CHST8: variants seen among roughly 807,000 people sequenced by gnomAD.
The protein encoded by CHST8 is GALNAC-4-ST1.
A neutral mutation model predicts 15.0 loss-of-function variants in CHST8; 10 were observed. That is an observed-to-expected ratio of 0.67 (90% CI 0.41 to 1.13). CHST8 has a LOEUF of 1.13. CHST8 is among the 50% of genes most tolerant of loss of function. CHST8 has a pLI of 0.00. For missense variants in CHST8, 634 were observed against 608.2 expected, an observed-to-expected ratio of 1.04 and a Z score of -0.45; for synonymous variants, 259 against 256.6, an observed-to-expected ratio of 1.01 and a Z score of -0.09.
At chr19:33,637,752 C>G (rs747058164) in intron 1 of CHST8, among the ~76,000 whole-genome samples, 68 of 144,582 alleles carry the variant, frequency 4.7e-4, no homozygotes, top group Non-Finnish European at 8.4e-4. Context: ...AATCCCAGCT[C>G]TTTGGGAGGC....
chr19:33,682,738 CT>C (rs35755200), intron 2 of CHST8, among the ~76,000 whole-genome samples: 1 of 152,194 alleles, frequency 6.6e-6, no homozygotes, highest in African/African-American at 2.4e-5. Flanking sequence ...CTATCATTGA[CT>C]TTTTGATTGA....
At position 33,625,525 on chromosome 19, in the gene CHST8, C is replaced by T. The variant is rs373701851; in HGVS notation, c.-164+3229C>T. 5.3e-5 allele frequency among the ~76,000 whole-genome samples: 8 copies of T among 152,254 alleles called. No homozygotes were observed. In the South Asian group the frequency reaches 8.3e-4, roughly 16 times the overall value. ...CTGGCCCAAGGAGATCAATGTGACC[C>T]GGCAGTGGCACAGCAAAAAATGAAA... is the stretch of plus-strand genomic sequence containing the variant. On this transcript the variant is annotated intron_variant, in intron 1 of 4. Transcript: ENST00000650847.
At chr19:33,693,615 G>A (rs866362614) in intron 3 of CHST8, among the ~76,000 whole-genome samples, 13 of 152,074 alleles carry the variant, frequency 8.5e-5, no homozygotes, top group East Asian at 1.9e-4. Context: ...ACCAGGTCAC[G>A]GTTCCTATAG....
chr19:33,652,305 T>A (rs1459769667), intron 1 of CHST8, among the ~76,000 whole-genome samples: 4 of 151,812 alleles, frequency 2.6e-5, no homozygotes, highest in Non-Finnish European at 1.5e-5. Flanking sequence ...TTTGAAAGTG[T>A]CCCTCTAGTA....
intron 2 of CHST8, among the ~76,000 whole-genome samples, chr19:33,671,366 T>C (rs2145232456): frequency 6.6e-6 from 1 of 152,282 alleles, no homozygotes; most frequent in African/African-American, 2.4e-5. Context: ...GTTGCTGTTG[T>C]CTCTTCCCAG....
rs1974989986 is a variant in CHST8, at chr19:33,771,862, A to G, written c.169-95A>G. ...AGCCTGTCTCCCTCACCTGAGAGGG[A>G]CAGGAACCCCAGCCGTGGTGAGAGC... On this transcript the variant is annotated intron_variant, in intron 4 of 4. Transcript: ENST00000650847. 6 of 1,416,656 alleles carry G rather than the reference A, an allele frequency of 4.2e-6. No homozygotes were observed. In the South Asian group the frequency reaches 8.3e-5, roughly 20 times the overall value. The allele number at this position is 1,416,656 out of a possible 1,614,324, so 87.8% of individuals were successfully genotyped here.
At chr19:33,663,794 C>A (rs1286168204) in intron 1 of CHST8, among the ~76,000 whole-genome samples, 1 of 152,060 alleles carries the variant, frequency 6.6e-6, no homozygotes, top group Non-Finnish European at 1.5e-5. Context: ...CGCTTGAACT[C>A]GGGAGGTGGA....
intron 1 of CHST8, among the ~76,000 whole-genome samples, chr19:33,657,217 AC>A (rs779829485): frequency 1.3e-4 from 19 of 151,538 alleles, no homozygotes; most frequent in Non-Finnish European, 2.1e-4. Context: ...ACACAAACAC[AC>A]ACGCATATAC....
intron 3 of CHST8, 79 bp downstream of exon 3, chr19:33,689,470 TG>T: frequency 7.0e-7 from 1 of 1,422,610 alleles, no homozygotes; most frequent in Non-Finnish European, 9.3e-7. Context: ...GCTGCCCTGG[TG>T]TGCTGGGCTT....
rs757063658 is a variant in CHST8, at chr19:33,772,584, T to C, written c.796T>C (p.Ser266Pro). The C allele has an allele frequency of 6.2e-7, 1 of 1,613,864 alleles. No individual in the cohort carries two copies. Among genetic ancestry groups the C allele is most frequent in the East Asian group, 2.2e-5 (1 of 44,868 alleles). Reference sequence around the variant, plus strand: ...CCGCGAGCCCTTCGAGAGGCTGGTGTCCGCCTTCCGCGACAAGTTTGAGCA... The same window carrying C: ...CCGCGAGCCCTTCGAGAGGCTGGTGCCCGCCTTCCGCGACAAGTTTGAGCA... ...FVREPFERLV[S>P]AFRDKFEHPN... The change falls in exon 5 of 5, where the codon TCC becomes CCC. Residue 266 changes from serine to proline, a missense_variant. Ser to Pro is a moderately conservative substitution (Grantham distance 74). Transcript: ENST00000650847.
intron 1 of CHST8, among the ~76,000 whole-genome samples, 185 bp downstream of exon 1, chr19:33,622,481 A>C (rs10422741): frequency 6.6e-6 from 1 of 152,282 alleles, no homozygotes; most frequent in Non-Finnish European, 1.5e-5. Flanking sequence ...GTCTGGTTGC[A>C]CTTTGGGGAC....
Position 33,738,585 on chromosome 19 carries a change from G to GTTATTTCT in CHST8, c.131-32826_131-32825insATTTCTTT, listed in dbSNP as rs2145336119. Reference sequence around the variant, plus strand: ...TGACATCTGGAGAGAGAGAGTGCAAGTTTTTTCTTTTTTTCTTCTTTTGAG... The same window carrying GTTATTTCT: ...TGACATCTGGAGAGAGAGAGTGCAAGTTATTTCTTTTTTTCTTTTTTTCTTCTTTTGAG... On this transcript the variant is annotated intron_variant, in intron 3 of 4. Coordinates refer to ENST00000650847, the MANE Select transcript of CHST8 (RefSeq NM_001127895.2). 2.0e-5 allele frequency among the ~76,000 whole-genome samples: 3 copies of GTTATTTCT among 152,198 alleles called. No individual in the cohort carries two copies. In the East Asian group the frequency reaches 5.8e-4, roughly 29 times the overall value.
intron 2 of CHST8, among the ~76,000 whole-genome samples, chr19:33,668,981 G>A (rs371657338): frequency 2.0e-4 from 30 of 152,246 alleles, no homozygotes; most frequent in Non-Finnish European, 2.5e-4. Context: ...CGTGAGCCTC[G>A]GGAAACGTAT....
At chr19:33,713,432 T>C (rs527712378) in intron 3 of CHST8, among the ~76,000 whole-genome samples, 1 of 152,108 alleles carries the variant, frequency 6.6e-6, no homozygotes, top group East Asian at 1.9e-4. Context: ...GCCTGGGCAG[T>C]TGGCCAAGCA....
At chr19:33,668,877 C>G (rs1024610612) in intron 2 of CHST8, among the ~76,000 whole-genome samples, 1 of 151,794 alleles carries the variant, frequency 6.6e-6, no homozygotes, top group Admixed American at 6.6e-5. Context: ...CATCACGGGT[C>G]AAAAACAAGC....
At chr19:33,656,149 C>A (rs954978783) in intron 1 of CHST8, among the ~76,000 whole-genome samples, 4 of 152,058 alleles carry the variant, frequency 2.6e-5, no homozygotes, top group Non-Finnish European at 4.4e-5. Flanking sequence ...CAGGAGGGTA[C>A]TTTAAAGCTT....
chr19:33,628,618 C>A (rs1423379229), intron 1 of CHST8, among the ~76,000 whole-genome samples: 2 of 152,168 alleles, frequency 1.3e-5, no homozygotes, highest in Non-Finnish European at 2.9e-5. Context: ...GTAGGCGGTG[C>A]GTCTACGCTG....
At chr19:33,752,151 G>C (rs575863714) in intron 3 of CHST8, among the ~76,000 whole-genome samples, 1 of 152,328 alleles carries the variant, frequency 6.6e-6, no homozygotes, top group African/African-American at 2.4e-5. Flanking sequence ...AGCTGCCTGA[G>C]CCCGGGAGCC....
At position 33,743,878 on chromosome 19, in the gene CHST8, G is replaced by A. The variant is rs559540656; in HGVS notation, c.131-27535G>A. 1.1e-4 allele frequency among the ~76,000 whole-genome samples: 17 copies of A among 149,740 alleles called. No homozygotes were observed. The East Asian group carries it at 2.6e-3, about 23-fold the overall frequency. On this transcript the variant is annotated intron_variant, in intron 3 of 4. Transcript: ENST00000650847. ...GCAGTCTCGGTTCACTGCAACCTCT[G>A]CCTCCCAAGCTCAAGTGACTCTCCT...
Sources: gnomAD v4.1 joint callset for allele counts (sites outside exome capture counted in the v4.1 genomes callset) on GRCh38, gnomAD v4.1.1 for gene constraint, MANE v1.5 for transcripts, NCBI Gene and HGNC (gene_info 2026-07-23, HGNC 2026-07-21) for gene names.